ZC3H14: variants seen among roughly 807,000 people sequenced by gnomAD.
ZC3H14 encodes the protein zinc finger CCCH domain-containing protein 14.
In ZC3H14, 31 loss-of-function variants were observed where a neutral mutation model predicts 92.4. The observed-to-expected ratio is 0.34, with a 90% confidence interval of 0.25 to 0.45. ZC3H14 has a LOEUF of 0.45. Among genes scored for constraint, ZC3H14 ranks in the 20% least tolerant of loss-of-function variants. ZC3H14 has a pLI of 1.00. For missense variants in ZC3H14, 781 were observed against 897.3 expected, an observed-to-expected ratio of 0.87 and a Z score of 1.66; for synonymous variants, 321 against 300.9, an observed-to-expected ratio of 1.07 and a Z score of -0.69.
In ZC3H14 at chr14:88,601,904, G is replaced by A; in HGVS notation, c.1355-20G>A. The stretch of plus-strand genomic sequence containing the variant: ...GGTATATTCAAAAGTAAACATTTGT[G>A]GCCAATTTTTTTGGCTCAGATTACT... On this transcript the variant is annotated intron_variant, in intron 10 of 16. Transcript: ENST00000251038. 6.2e-7 allele frequency: 1 copy of A among 1,613,456 alleles called. No individual in the cohort carries two copies. Among genetic ancestry groups the A allele is most frequent in the African/African-American group, 1.3e-5 (1 of 75,004 alleles).
Position 88,616,928 on chromosome 14 carries a change from T to C in ZC3H14, c.*5177T>C, listed in dbSNP as rs779193637. ...ACTCATCATGGCAAGTGCGGGCAGGTTGACTATATTCAAAAAGTTTCTTGG... is the reference window on the plus strand; with the variant it reads ...ACTCATCATGGCAAGTGCGGGCAGGCTGACTATATTCAAAAAGTTTCTTGG... On this transcript the variant is annotated 3_prime_UTR_variant, in exon 17 of 17. Transcript: ENST00000251038. 2 of 1,572,128 alleles carry C rather than the reference T, an allele frequency of 1.3e-6. No homozygotes were observed. Among genetic ancestry groups the C allele is most frequent in the Non-Finnish European group, 1.7e-6 (2 of 1,154,672 alleles).
chr14:88,567,464 T>C lies in ZC3H14; in HGVS notation c.80-575T>C, dbSNP rs575979450. On this transcript the variant is annotated intron_variant, in intron 2 of 16. Coordinates refer to ENST00000251038, the MANE Select transcript of ZC3H14 (RefSeq NM_024824.5). ...TCCTAGACCTCACCCTTATAATCAT[T>C]GTAGGATTACCACTGTGAGGGTAAA... Among the ~76,000 whole-genome samples, 4 of 151,836 alleles carry C rather than the reference T, an allele frequency of 2.6e-5. No individual in the cohort carries two copies. The South Asian group carries it at 8.3e-4, about 32-fold the overall frequency.
rs1241943201 is a variant in ZC3H14 at position 88,622,243 on chromosome 14, T to C, written c.*10492T>C. On this transcript the variant is annotated 3_prime_UTR_variant, in exon 17 of 17. Transcript: ENST00000251038. The stretch of plus-strand genomic sequence containing the variant: ...TTTATGGCTGAGTAGTATTTCATTG[T>C]TTGTTTACTGCACGTTTTATCTAGG... 1 of 179,362 alleles carries C rather than the reference T, an allele frequency of 5.6e-6. No homozygotes were observed. The allele number at this position is 179,362 out of a possible 1,614,324, so 11.1% of individuals were successfully genotyped here.
intron 9 of ZC3H14, chr14:88,591,675 G>A (rs2083153918): frequency 6.6e-6 from 1 of 152,206 alleles, no homozygotes; most frequent in Non-Finnish European, 1.5e-5. Flanking sequence ...GCACTTAAAA[G>A]TTTGATGTGT....
chr14:88,573,334 C>T (rs1022221509), intron 6 of ZC3H14, among the ~76,000 whole-genome samples: 3 of 151,938 alleles, frequency 2.0e-5, no homozygotes, highest in South Asian at 4.2e-4. Context: ...GAGCCAAGAT[C>T]GTGCCACTGC....
At chr14:88,610,562 G>A (rs1183200823) in intron 15 of ZC3H14, among the ~76,000 whole-genome samples, 1 of 151,542 alleles carries the variant, frequency 6.6e-6, no homozygotes. Flanking sequence ...TAGTACTTTG[G>A]GAGGTAGAGG....
chr14:88,608,177 C>T, intron 13 of ZC3H14: 1 of 404,454 alleles, frequency 2.5e-6, no homozygotes, highest in Non-Finnish European at 4.8e-6. Context: ...AGTACCATCC[C>T]CCATCTCACC....
chr14:88,606,875 T>G (rs1282979164), intron 12 of ZC3H14, among the ~76,000 whole-genome samples: 1 of 152,042 alleles, frequency 6.6e-6, no homozygotes, highest in Non-Finnish European at 1.5e-5. Flanking sequence ...AGGATTCACA[T>G]CTCCTTATCA....
In ZC3H14 at chr14:88,594,851, T is replaced by G. The variant is rs755491205; in HGVS notation, c.1280-1883T>G. ...AATGAGCTAGACAATATTTCCCACC[T>G]TTTAAGGAAAATATCAGCTGATATC... On this transcript the variant is annotated intron_variant, in intron 9 of 16. Transcript: ENST00000251038. The G allele has an allele frequency of 1.1e-5, 18 of 1,613,984 alleles. No homozygotes were observed. The East Asian group carries it at 1.8e-4, about 16-fold the overall frequency.
At position 88,615,796 on chromosome 14, in the gene ZC3H14, T is replaced by G; in HGVS notation, c.*4045T>G. 1 of 1,607,506 alleles carries G rather than the reference T, an allele frequency of 6.2e-7. No individual in the cohort carries two copies. The highest frequency in any genetic ancestry group is 8.5e-7 in the Non-Finnish European group (1 of 1,177,016). On this transcript the variant is annotated 3_prime_UTR_variant, in exon 17 of 17. Transcript: ENST00000251038. ...TGTAATTCTGGTCTCAAAGTTAATT[T>G]CTGTAGTCATCTCAGCATCTCTCAG...
At position 88,572,637 on chromosome 14, in the gene ZC3H14, A is replaced by C. The variant is rs2080584915; in HGVS notation, c.491A>C (p.Glu164Ala). The C allele has an allele frequency of 1.2e-6, 2 of 1,614,172 alleles. No individual in the cohort carries two copies. The highest frequency in any genetic ancestry group is 1.7e-5 in the Admixed American group (1 of 60,016). ...ATGTCAACAGTGAAACCTTTGAGGG[A>C]GCCAGCACCCTCTGAAGATGTGATT... ...RLMSTVKPLR[E>A]PAPSEDVIDI... The change falls in exon 6 of 17, where the codon GAG (glutamate) becomes GCG (alanine). Residue 164 changes from glutamate (E) to alanine (A), a missense_variant. Transcript: ENST00000251038.
In ZC3H14 at chr14:88,618,623, C is replaced by T; in HGVS notation, c.*6872C>T. ...AATGTAAAAGCAGAAGAACTTGCCA[C>T]CTGGGTATACAGTATTGGTACTGTA... On this transcript the variant is annotated 3_prime_UTR_variant, in exon 17 of 17. Coordinates refer to ENST00000251038, the MANE Select transcript of ZC3H14 (RefSeq NM_024824.5). The T allele has an allele frequency of 6.3e-7, 1 of 1,584,432 alleles. No individual in the cohort carries two copies. The highest frequency in any genetic ancestry group is 1.2e-5 in the South Asian group (1 of 85,616).
Position 88,609,645 on chromosome 14 carries a change from A to G in ZC3H14, c.2006-67A>G, listed in dbSNP as rs1452435522. The G allele has an allele frequency of 3.2e-6, 5 of 1,564,478 alleles. No homozygotes were observed. In the South Asian group the frequency reaches 5.6e-5, roughly 17 times the overall value. On this transcript the variant is annotated intron_variant, in intron 14 of 16. Transcript: ENST00000251038. Reference sequence around the variant, plus strand: ...GGTTTTCACTTTCAAAAAAAACATCAGTAGACTGCATTAAAAATGGGTTTT... The same window carrying G: ...GGTTTTCACTTTCAAAAAAAACATCGGTAGACTGCATTAAAAATGGGTTTT...
intron 16 of ZC3H14, 26 bp from the exon 17 acceptor site, chr14:88,611,719 A>T: frequency 6.2e-7 from 1 of 1,613,990 alleles, no homozygotes; most frequent in Non-Finnish European, 8.5e-7. Flanking sequence ...AGATAATTAA[A>T]ACAATTTTTG....
Position 88,615,854 on chromosome 14 carries a change from G to A in ZC3H14, c.*4103G>A. Reference sequence around the variant, plus strand: ...TATGTACACATTTCCAGACAAATAAGCTGCAATCAGAGAAGAAAATTGCAG... The same window carrying A: ...TATGTACACATTTCCAGACAAATAAACTGCAATCAGAGAAGAAAATTGCAG... On this transcript the variant is annotated 3_prime_UTR_variant, in exon 17 of 17. Coordinates refer to ENST00000251038, the MANE Select transcript of ZC3H14 (RefSeq NM_024824.5). 1 of 1,611,000 alleles carries A rather than the reference G, an allele frequency of 6.2e-7. No individual in the cohort carries two copies. Among genetic ancestry groups the A allele is most frequent in the African/African-American group, 1.3e-5 (1 of 74,990 alleles).
At position 88,625,359 on chromosome 14, in the gene ZC3H14, C is replaced by T; in HGVS notation, c.*13608C>T. On this transcript the variant is annotated 3_prime_UTR_variant, in exon 17 of 17. Transcript: ENST00000251038. ...GCTTATTAGCTAGAATAACCTTAGACAATTCTTCCCTTCCAATTCTAACAT... is the reference window on the plus strand; with the variant it reads ...GCTTATTAGCTAGAATAACCTTAGATAATTCTTCCCTTCCAATTCTAACAT... The T allele has an allele frequency of 2.2e-6, 1 of 462,050 alleles. No individual in the cohort carries two copies. Among genetic ancestry groups the T allele is most frequent in the Non-Finnish European group, 3.8e-6 (1 of 262,322 alleles). 28.6% of individuals were successfully genotyped at this position (462,050 alleles called of 1,614,324 possible).
chr14:88,565,771 A>C (rs902042283), intron 2 of ZC3H14, among the ~76,000 whole-genome samples: 2 of 152,276 alleles, frequency 1.3e-5, no homozygotes, highest in South Asian at 4.1e-4. Context: ...TTTCAACTGC[A>C]TATCTGTGAG....
intron 5 of ZC3H14, 29 bp downstream of exon 5, chr14:88,572,254 G>A (rs2080518731): frequency 6.2e-7 from 1 of 1,609,822 alleles, no homozygotes; most frequent in Non-Finnish European, 8.5e-7. Flanking sequence ...CCTGCTGGGG[G>A]CAGATGGCTC....
At chr14:88,594,787 G>C in intron 9 of ZC3H14, 1 of 1,614,074 alleles carries the variant, frequency 6.2e-7, no homozygotes, top group East Asian at 2.2e-5. Flanking sequence ...ACCGGAGCCA[G>C]TGGACTTAGG....
Sources: allele counts gnomAD v4.1 joint callset (sites outside exome capture counted in the v4.1 genomes callset), GRCh38; gene constraint gnomAD v4.1.1; transcripts MANE v1.5; gene names NCBI Gene and HGNC (gene_info 2026-07-23, HGNC 2026-07-21).